ATP2B2: variants seen among roughly 807,000 people sequenced by gnomAD.
ATP2B2 encodes the protein ATPase plasma membrane Ca2+ transporting 2, also known as plasma membrane calcium-transporting ATPase 2.
Under a neutral mutation model 120.0 loss-of-function variants are expected in ATP2B2, and 15 were observed. The ratio of observed to expected loss-of-function variants is 0.12; its 90% CI spans 0.08 to 0.19. The LOEUF (loss-of-function observed/expected upper bound fraction) is 0.19, where lower values mean the gene tolerates loss of function less well. ATP2B2 is among the 10% of genes least tolerant of loss of function. ATP2B2 has a pLI of 1.00. For synonymous variants in ATP2B2, 694 were observed against 700.3 expected (o/e 0.99, Z 0.14); for missense variants, 1,045 against 1,719.8 (o/e 0.61, Z 6.94).
chr3:10,612,281 A>G (rs982888570), intron 2 of ATP2B2, among the ~76,000 whole-genome samples: 2 of 152,084 alleles, frequency 1.3e-5, no homozygotes, highest in Admixed American at 6.5e-5. Flanking sequence ...CTCTTCAATT[A>G]GCTTTTGTCA....
intron 22 of ATP2B2, chr3:10,331,959 G>T: frequency 6.5e-7 from 1 of 1,546,612 alleles, no homozygotes; most frequent in South Asian, 1.2e-5. Flanking sequence ...ATTCATTTCA[G>T]GCTCAAGGTT....
At chr3:10,488,628 T>G (rs932819437) in intron 1 of ATP2B2, among the ~76,000 whole-genome samples, 7 of 152,128 alleles carry the variant, frequency 4.6e-5, no homozygotes, top group African/African-American at 1.7e-4. Context: ...CGCTAGGTTC[T>G]GGGGTCAACC....
chr3:10,668,150 G>A (rs2070995766), intron 1 of ATP2B2, among the ~76,000 whole-genome samples: 1 of 152,216 alleles, frequency 6.6e-6, no homozygotes, highest in Non-Finnish European at 1.5e-5. Flanking sequence ...AGGGCAACGC[G>A]GGCAGCTCAC....
At chr3:10,465,820 G>A (rs894293312) in intron 1 of ATP2B2, among the ~76,000 whole-genome samples, 3 of 152,198 alleles carry the variant, frequency 2.0e-5, no homozygotes, top group Non-Finnish European at 4.4e-5. Flanking sequence ...GTTGGGGGGC[G>A]TGTGCAGGTG....
intron 3 of ATP2B2, among the ~76,000 whole-genome samples, chr3:10,531,741 C>G (rs1409868975): frequency 6.6e-6 from 1 of 152,196 alleles, no homozygotes; most frequent in Non-Finnish European, 1.5e-5. Flanking sequence ...GTACATGCCA[C>G]AGGCTGGTAG....
At chr3:10,488,073 C>A (rs2065762976) in intron 1 of ATP2B2, among the ~76,000 whole-genome samples, 1 of 152,100 alleles carries the variant, frequency 6.6e-6, no homozygotes, top group Admixed American at 6.5e-5. Context: ...ACCAAACCAT[C>A]CACCTATCCA....
At chr3:10,623,757 C>T (rs1176899501) in intron 1 of ATP2B2, among the ~76,000 whole-genome samples, 2 of 152,172 alleles carry the variant, frequency 1.3e-5, no homozygotes. Flanking sequence ...AGGATTTCCA[C>T]AAGTTCTGCC....
intron 2 of ATP2B2, among the ~76,000 whole-genome samples, chr3:10,560,942 T>C (rs60337005): frequency 0.079 from 12,066 of 152,148 alleles, 605 homozygotes; most frequent in African/African-American, 0.14. Flanking sequence ...AGGACCTATG[T>C]ATGTACTACT....
chr3:10,423,499 C>T lies in ATP2B2; in HGVS notation c.200-12684G>A, dbSNP rs142334364. Among the ~76,000 whole-genome samples, 42 of 152,324 alleles carry T rather than the reference C, an allele frequency of 2.8e-4. 1 individual carries two copies. Among genetic ancestry groups the T allele is most frequent in the African/African-American group, 8.9e-4 (37 of 41,568 alleles). ...CCTTACTACACACACAAATGACGGC[C>T]ATTTCATATTCCCTCTGTATCAACC... is the stretch of plus-strand genomic sequence containing the variant. On this transcript the variant is annotated intron_variant, in intron 2 of 22. Coordinates refer to ENST00000360273, the MANE Select transcript of ATP2B2 (RefSeq NM_001001331.4).
intron 1 of ATP2B2, among the ~76,000 whole-genome samples, chr3:10,470,560 A>G (rs946150312): frequency 1.3e-5 from 2 of 152,198 alleles, no homozygotes; most frequent in Non-Finnish European, 2.9e-5. Flanking sequence ...GCTGGGCTCA[A>G]GAGGGTTAAA....
At chr3:10,604,520 T>C (rs1476556803) in intron 2 of ATP2B2, among the ~76,000 whole-genome samples, 1 of 152,234 alleles carries the variant, frequency 6.6e-6, no homozygotes, top group Non-Finnish European at 1.5e-5. Context: ...GCACAGAGTC[T>C]GGAATCCATA....
chr3:10,571,710 C>A (rs552127478), intron 2 of ATP2B2, among the ~76,000 whole-genome samples: 40 of 152,290 alleles, frequency 2.6e-4, no homozygotes, highest in African/African-American at 8.7e-4. Context: ...AGGTCGGGTG[C>A]TCCCTTGTTT....
Position 10,329,147 on chromosome 3 carries a change from C to T in ATP2B2, c.3421-22G>A. 6.2e-7 allele frequency: 1 copy of T among 1,605,776 alleles called. No homozygotes were observed. The highest frequency in any genetic ancestry group is 8.5e-7 in the Non-Finnish European group (1 of 1,178,310). On this transcript the variant is annotated intron_variant, in intron 22 of 22. Transcript: ENST00000360273. This position sits in a 1 kb window ranked among gnomAD's most constrained non-coding sequence, Gnocchi z 5.9. ...GGATCTGCAAGGGAAGCACAGGGGT[C>T]AGGAGCACTGCCCAGGGACCACAGC...
rs2063929413 is a variant in ATP2B2, at chr3:10,448,847, C to T, written c.199+498G>A. 2.0e-5 allele frequency among the ~76,000 whole-genome samples: 3 copies of T among 152,304 alleles called. No homozygotes were observed. The South Asian group carries it at 6.2e-4, about 32-fold the overall frequency. On this transcript the variant is annotated intron_variant, in intron 2 of 22. Transcript: ENST00000360273. ...CATGCTATGGTTCCACACTCAAGCC[C>T]ACACTAGGGAATTCCTGGGGCCTGG...
intron 2 of ATP2B2, among the ~76,000 whole-genome samples, chr3:10,535,616 T>C (rs538153852): frequency 6.6e-6 from 1 of 152,336 alleles, no homozygotes; most frequent in East Asian, 1.9e-4. Flanking sequence ...AATGGAGTCA[T>C]GTGGTATATA....
At chr3:10,537,858 G>A (rs1240245089) in intron 2 of ATP2B2, among the ~76,000 whole-genome samples, 1 of 152,108 alleles carries the variant, frequency 6.6e-6, no homozygotes, top group Admixed American at 6.5e-5. Flanking sequence ...GTTTTATGAC[G>A]AATGGGTGTT....
intron 1 of ATP2B2, among the ~76,000 whole-genome samples, chr3:10,667,292 TG>T (rs1371410352): frequency 6.6e-6 from 1 of 152,224 alleles, no homozygotes; most frequent in African/African-American, 2.4e-5. Context: ...GTCATCCAGC[TG>T]GTGAGCAGTG....
In ATP2B2 at chr3:10,603,199, G is replaced by A. The variant is rs1341301299; in HGVS notation, c.-415+16718C>T. ...TCTCTGGGCCTGGCTTCATTTCCTT[G>A]GTAAGAAAATAATGACTTCATCCCC... On this transcript the variant is annotated intron_variant, in intron 2 of 21. Coordinates refer to the ATP2B2 transcript ENST00000646379. Among the ~76,000 whole-genome samples the A allele has an allele frequency of 3.3e-5, 5 of 152,290 alleles. No homozygotes were observed. The East Asian group carries it at 7.7e-4, about 24-fold the overall frequency.
intron 1 of ATP2B2, among the ~76,000 whole-genome samples, chr3:10,683,758 G>GTGTGTGTATATATATATATATGTA (rs1334250607): frequency 3.0e-5 from 1 of 33,636 alleles, no homozygotes; most frequent in Non-Finnish European, 6.0e-5. Context: ...ATGTGTGTGT[G>GTGTGTGTATATATATATATATGTA]TGTATATATA....
Sources: allele counts gnomAD v4.1 joint callset (sites outside exome capture counted in the v4.1 genomes callset), GRCh38; gene constraint gnomAD v4.1.1; non-coding constraint Gnocchi (gnomAD v3.1); transcripts MANE v1.5; gene names NCBI Gene and HGNC (gene_info 2026-07-23, HGNC 2026-07-21).